Variants in CDIN1 observed in about 807,000 individuals in gnomAD.
The protein encoded by CDIN1 is CDAN1-interacting nuclease 1.
CDIN1 carries 33 observed loss-of-function variants against 45.3 expected under a neutral mutation model. The observed-to-expected ratio is 0.73, with a 90% CI of 0.55 to 0.97. The LOEUF (loss-of-function observed/expected upper bound fraction) is 0.97. Ranked by LOEUF, CDIN1 falls within the 50% of genes least tolerant of loss-of-function variation. CDIN1 has a pLI of 0.00. For synonymous variants in CDIN1, 118 were observed against 124.4 expected (o/e 0.95, Z 0.34); for missense variants, 303 against 339.4 (o/e 0.89, Z 0.84).
chr15:36,689,556 C>T (rs1486785080), intron 5 of CDIN1, among the ~76,000 whole-genome samples: 2 of 152,146 alleles, frequency 1.3e-5, no homozygotes, highest in Non-Finnish European at 2.9e-5. Context: ...CATGTGGTGA[C>T]TCGAGTGGCA....
chr15:36,734,105 A>C (rs2043928799), intron 10 of CDIN1, among the ~76,000 whole-genome samples: 1 of 152,112 alleles, frequency 6.6e-6, no homozygotes, highest in Non-Finnish European at 1.5e-5. Flanking sequence ...GAGAATTATA[A>C]TGCATTGAAG....
chr15:36,596,949 C>T (rs76344078), intron 1 of CDIN1, among the ~76,000 whole-genome samples: 3,575 of 152,202 alleles, frequency 0.023, 85 homozygotes, highest in South Asian at 0.11. Flanking sequence ...GTCTTAAACA[C>T]ACTTACATTT....
At chr15:36,801,537 T>C (rs1005891872) in intron 10 of CDIN1, among the ~76,000 whole-genome samples, 2 of 152,262 alleles carry the variant, frequency 1.3e-5, no homozygotes, top group East Asian at 3.9e-4. Flanking sequence ...CTCTACCTCA[T>C]ACGTTCACTT....
At position 36,738,031 on chromosome 15, in the gene CDIN1, T is replaced by C. The variant is rs190067407; in HGVS notation, c.716+28070T>C. 3.2e-4 allele frequency among the ~76,000 whole-genome samples: 48 copies of C among 152,302 alleles called. 1 individual carries two copies. The highest frequency in any genetic ancestry group is 2.2e-3 in the Admixed American group (34 of 15,304). On this transcript the variant is annotated intron_variant, in intron 10 of 10. Transcript: ENST00000566621. The stretch of plus-strand genomic sequence containing the variant: ...CCTTTTGGTTTTCTCCCAATCTTCG[T>C]AACCATTCCTTCTCAATCTCCATTC...
intron 1 of CDIN1, among the ~76,000 whole-genome samples, chr15:36,580,478 G>A (rs1256541841): frequency 6.6e-6 from 1 of 152,168 alleles, no homozygotes; most frequent in Non-Finnish European, 1.5e-5. Flanking sequence ...TCAGAGAGCA[G>A]GGTACCCAGG....
At chr15:36,665,390 A>G (rs2041209937) in intron 5 of CDIN1, among the ~76,000 whole-genome samples, 2 of 152,232 alleles carry the variant, frequency 1.3e-5, no homozygotes, top group African/African-American at 2.4e-5. Context: ...AAATTCAAAA[A>G]TAATCTACCT....
In CDIN1 at chr15:36,629,945, CA is replaced by C. The variant is rs368422800; in HGVS notation, c.102-14332del. 7.0e-3 allele frequency among the ~76,000 whole-genome samples: 1,072 copies of C among 152,156 alleles called. 14 individuals carry two copies. The highest frequency in any genetic ancestry group is 0.024 in the African/African-American group (1,013 of 41,518). Reference sequence around the variant, plus strand: ...GTATATTATTTTTTAGGTAACTTTTCAGGTAAAGATCTGACGGCTCTTTTAG... The same window carrying C: ...GTATATTATTTTTTAGGTAACTTTTCGGTAAAGATCTGACGGCTCTTTTAG... On this transcript the variant is annotated intron_variant, in intron 1 of 10. Coordinates refer to ENST00000566621, the MANE Select transcript of CDIN1 (RefSeq NM_001321759.2).
chr15:36,687,102 TA>T (rs1014338533), intron 5 of CDIN1, among the ~76,000 whole-genome samples: 9 of 151,564 alleles, frequency 5.9e-5, no homozygotes, highest in African/African-American at 2.2e-4. Context: ...TAAAGGGTAA[TA>T]GGGGAATAAA....
chr15:36,581,859 T>C (rs2140150354), intron 1 of CDIN1, among the ~76,000 whole-genome samples: 1 of 152,396 alleles, frequency 6.6e-6, no homozygotes, highest in South Asian at 2.1e-4. Context: ...TATTTTGAAC[T>C]TGAATGGATC....
chr15:36,686,725 TACAA>T (rs955787273), intron 5 of CDIN1, among the ~76,000 whole-genome samples: 6 of 139,510 alleles, frequency 4.3e-5, no homozygotes, highest in African/African-American at 1.6e-4. Context: ...CTAAAAAAAA[TACAA>T]GAAAGAAAGA....
At chr15:36,686,367 A>T (rs1407855423) in intron 5 of CDIN1, among the ~76,000 whole-genome samples, 2 of 135,786 alleles carry the variant, frequency 1.5e-5, no homozygotes, top group East Asian at 4.6e-4. Flanking sequence ...CAATGAGAAC[A>T]CATGGACACA....
chr15:36,798,054 T>C (rs1403836121), intron 10 of CDIN1, among the ~76,000 whole-genome samples: 5 of 150,010 alleles, frequency 3.3e-5, no homozygotes, highest in Non-Finnish European at 5.9e-5. Flanking sequence ...AAAATTATTT[T>C]CCAAATGAGT....
At chr15:36,631,682 T>G (rs1283719395) in intron 1 of CDIN1, among the ~76,000 whole-genome samples, 1 of 152,248 alleles carries the variant, frequency 6.6e-6, no homozygotes, top group Non-Finnish European at 1.5e-5. Context: ...TGTTTCTACC[T>G]TTTAGCTATT....
chr15:36,727,420 G>A (rs2043674818), intron 10 of CDIN1, among the ~76,000 whole-genome samples: 2 of 151,786 alleles, frequency 1.3e-5, no homozygotes, highest in African/African-American at 4.8e-5. Flanking sequence ...TGCCAAGATG[G>A]CAGCCTCATA....
At chr15:36,632,613 T>C (rs1566850223) in intron 1 of CDIN1, among the ~76,000 whole-genome samples, 1 of 152,214 alleles carries the variant, frequency 6.6e-6, no homozygotes, top group Non-Finnish European at 1.5e-5. Flanking sequence ...TCTCACACTT[T>C]GTGGGATCCC....
chr15:36,775,555 A>G (rs2054197697), intron 10 of CDIN1, among the ~76,000 whole-genome samples: 1 of 152,228 alleles, frequency 6.6e-6, no homozygotes, highest in Admixed American at 6.5e-5. Flanking sequence ...TTTATCAACT[A>G]CACAGAGAGC....
chr15:36,705,863 A>G (rs552392364), intron 8 of CDIN1: 1 of 152,306 alleles, frequency 6.6e-6, no homozygotes, highest in South Asian at 2.1e-4. Context: ...TTGGTTTCAT[A>G]TTGATTCCCA....
At chr15:36,668,567 C>T (rs1054547889) in intron 5 of CDIN1, among the ~76,000 whole-genome samples, 4 of 152,062 alleles carry the variant, frequency 2.6e-5, no homozygotes, top group South Asian at 2.1e-4. Context: ...AAGCAATGAA[C>T]GAGTGGGAGA....
At chr15:36,743,996 T>C (rs200817284) in intron 10 of CDIN1, among the ~76,000 whole-genome samples, 2 of 150,728 alleles carry the variant, frequency 1.3e-5, no homozygotes, top group Non-Finnish European at 3.0e-5. Flanking sequence ...TTTTTTTTCT[T>C]AAAAAGTCTC....
Sources: allele counts gnomAD v4.1 joint callset (sites outside exome capture counted in the v4.1 genomes callset), GRCh38; gene constraint gnomAD v4.1.1; transcripts MANE v1.5; gene names NCBI Gene and HGNC (gene_info 2026-07-23, HGNC 2026-07-21).